The following DLGAP2 variants were observed in gnomAD, a reference collection of about 807,000 sequenced individuals.
DLGAP2 encodes disks large-associated protein 2.
DLGAP2 carries 26 observed loss-of-function variants against 100.3 expected under a neutral mutation model. That is an observed-to-expected ratio of 0.26 (90% CI 0.19 to 0.36). DLGAP2 has a LOEUF of 0.36. Ranked by LOEUF, DLGAP2 falls within the 10% of genes least tolerant of loss-of-function variation. DLGAP2 has a pLI of 1.00. For missense variants in DLGAP2, 1,858 were observed against 1,453.2 expected, an observed-to-expected ratio of 1.28 and a Z score of -4.53; for synonymous variants, 886 against 630.1, an observed-to-expected ratio of 1.41 and a Z score of -6.08.
At chr8:1,268,334 A>G (rs1372044477) in intron 3 of DLGAP2, among the ~76,000 whole-genome samples, 1 of 152,228 alleles carries the variant, frequency 6.6e-6, no homozygotes, top group East Asian at 1.9e-4. Context: ...ATTTTGAAGC[A>G]TATTTGGGAG....
chr8:1,186,170 G>A (rs73537288), intron 2 of DLGAP2, among the ~76,000 whole-genome samples: 18,259 of 152,226 alleles, frequency 0.12, 2,170 homozygotes, highest in African/African-American at 0.31. Context: ...TGTGAACATT[G>A]GTGCCAGGAT....
intron 1 of DLGAP2, among the ~76,000 whole-genome samples, chr8:821,541 A>T (rs1482635991): frequency 6.6e-6 from 1 of 152,218 alleles, no homozygotes; most frequent in Non-Finnish European, 1.5e-5. Flanking sequence ...ATATATTAGC[A>T]CCTTCTTTTT....
chr8:996,286 TTTCTGGG>T (rs1800782214), intron 2 of DLGAP2, among the ~76,000 whole-genome samples: 1 of 152,196 alleles, frequency 6.6e-6, no homozygotes, highest in African/African-American at 2.4e-5. Context: ...CTCAGGTTTC[TTTCTGGG>T]GGGGTCATTC....
At chr8:1,002,446 A>G (rs1800986544) in intron 2 of DLGAP2, 1 of 152,264 alleles carries the variant, frequency 6.6e-6, no homozygotes, top group Admixed American at 6.5e-5. Context: ...CCAGGTTTTA[A>G]TAGGGAAAAC....
intron 2 of DLGAP2, among the ~76,000 whole-genome samples, chr8:1,133,422 A>G (rs898485188): frequency 6.6e-6 from 1 of 152,192 alleles, no homozygotes; most frequent in African/African-American, 2.4e-5. Context: ...CATGAGAAAT[A>G]TATATGAATA....
At chr8:1,358,776 G>T (rs181318883) in intron 3 of DLGAP2, among the ~76,000 whole-genome samples, 1 of 152,116 alleles carries the variant, frequency 6.6e-6, no homozygotes, top group African/African-American at 2.4e-5. Context: ...TGGGCTAAGC[G>T]GGGCTGGGCG....
At chr8:1,048,202 G>A (rs1039070866) in intron 2 of DLGAP2, among the ~76,000 whole-genome samples, 1 of 152,174 alleles carries the variant, frequency 6.6e-6, no homozygotes, top group African/African-American at 2.4e-5. Flanking sequence ...TCTATGAAGA[G>A]CACGTAGATC....
chr8:867,631 A>G (rs1283473930), intron 1 of DLGAP2, among the ~76,000 whole-genome samples: 2 of 152,218 alleles, frequency 1.3e-5, no homozygotes, highest in African/African-American at 4.8e-5. Context: ...CTGATGATGA[A>G]TAAGTCACTG....
intron 3 of DLGAP2, among the ~76,000 whole-genome samples, chr8:1,307,313 A>C (rs1426991119): frequency 6.6e-6 from 1 of 152,250 alleles, no homozygotes; most frequent in Non-Finnish European, 1.5e-5. Context: ...ACCACAAGGA[A>C]ATGCCAACAC....
chr8:1,524,227 G>T (rs564347940), intron 4 of DLGAP2, among the ~76,000 whole-genome samples: 76 of 152,262 alleles, frequency 5.0e-4, no homozygotes, highest in African/African-American at 1.7e-3. Context: ...CATCTGAGAG[G>T]CCGGCAGGGA....
At chr8:753,212 G>T (rs1005740871) in intron 1 of DLGAP2, among the ~76,000 whole-genome samples, 1 of 152,198 alleles carries the variant, frequency 6.6e-6, no homozygotes, top group African/African-American at 2.4e-5. Context: ...CTTACGCAGA[G>T]GAGGGGCCCG....
chr8:824,327 C>T (rs1039969403), intron 1 of DLGAP2, among the ~76,000 whole-genome samples: 10 of 152,070 alleles, frequency 6.6e-5, no homozygotes, highest in South Asian at 2.1e-4. Flanking sequence ...GTCTTTGTCT[C>T]GGCGTCCCAC....
intron 3 of DLGAP2, among the ~76,000 whole-genome samples, chr8:1,324,400 C>T (rs1388569423): frequency 6.6e-6 from 1 of 152,198 alleles, no homozygotes; most frequent in Non-Finnish European, 1.5e-5. Context: ...ATTGATGTTT[C>T]AGCTGGCCTT....
At chr8:1,265,004 T>A (rs1799424069) in intron 3 of DLGAP2, among the ~76,000 whole-genome samples, 1 of 152,160 alleles carries the variant, frequency 6.6e-6, no homozygotes, top group Non-Finnish European at 1.5e-5. Flanking sequence ...TCCACCATGA[T>A]TGTGAGGGCT....
At chr8:1,537,720 TGAAAGGATGGAAGGAAGGAAGGAA>T (rs1801201190) in intron 4 of DLGAP2, among the ~76,000 whole-genome samples, 1 of 132,436 alleles carries the variant, frequency 7.6e-6, no homozygotes, top group African/African-American at 2.9e-5. Context: ...GATGGATGGA[TGAAAGGATGGAAGGAAGGAAGGAA>T]GGAAGGAAGG....
chr8:1,010,427 C>T (rs1026845309), intron 2 of DLGAP2, among the ~76,000 whole-genome samples: 2 of 152,262 alleles, frequency 1.3e-5, no homozygotes, highest in Non-Finnish European at 2.9e-5. Context: ...CATGTGCCCA[C>T]ATATGCACAC....
In DLGAP2 at chr8:1,187,841, G is replaced by A. The variant is rs1467502925; in HGVS notation, c.74-71010G>A. Among the ~76,000 whole-genome samples, 6 of 118,060 alleles carry A rather than the reference G, an allele frequency of 5.1e-5. No individual in the cohort carries two copies. The South Asian group carries it at 8.1e-4, about 16-fold the overall frequency. 77.5% of individuals were successfully genotyped at this position (118,060 alleles called of 152,430 possible). A position where few individuals can be genotyped will look rare whatever the true frequency, so the allele number is the denominator to read the frequency against. On this transcript the variant is annotated intron_variant, in intron 2 of 14. Coordinates refer to ENST00000637795, the MANE Select transcript of DLGAP2 (RefSeq NM_001346810.2). ...GGGACTTCCGTGATGTTTCCCTCACGGAATCTCACACACCCGGGACCCCCG... is the reference window on the plus strand; with the variant it reads ...GGGACTTCCGTGATGTTTCCCTCACAGAATCTCACACACCCGGGACCCCCG...
intron 3 of DLGAP2, among the ~76,000 whole-genome samples, chr8:1,365,396 C>G (rs899393373): frequency 2.0e-5 from 3 of 152,172 alleles, no homozygotes; most frequent in African/African-American, 7.2e-5. Flanking sequence ...TGCCTCTCCA[C>G]TGGCTCTCCT....
Position 994,005 on chromosome 8 carries a change from C to G in DLGAP2, c.73+86039C>G, listed in dbSNP as rs893487212. On this transcript the variant is annotated intron_variant, in intron 2 of 14. Coordinates refer to ENST00000637795, the MANE Select transcript of DLGAP2 (RefSeq NM_001346810.2). Reference sequence around the variant, plus strand: ...AATGAAAGTGCTGTTTATTAGTATACTTTTGTATTTACACTCTAGCAGTGC... The same window carrying G: ...AATGAAAGTGCTGTTTATTAGTATAGTTTTGTATTTACACTCTAGCAGTGC... Among the ~76,000 whole-genome samples, 4 of 152,040 alleles carry G rather than the reference C, an allele frequency of 2.6e-5. No individual in the cohort carries two copies. In the East Asian group the frequency reaches 7.7e-4, roughly 29 times the overall value.
Sources: gnomAD v4.1 joint callset for allele counts (sites outside exome capture counted in the v4.1 genomes callset) on GRCh38, gnomAD v4.1.1 for gene constraint, MANE v1.5 for transcripts, NCBI Gene and HGNC (gene_info 2026-07-23, HGNC 2026-07-21) for gene names.